The following ZNF584 variants were observed in gnomAD, a reference collection of about 807,000 sequenced individuals.
ZNF584 encodes zinc finger protein 584.
ZNF584 carries 12 observed loss-of-function variants against 14.7 expected under a neutral mutation model. The observed-to-expected ratio is 0.82, with a 90% CI of 0.52 to 1.32. ZNF584 has a LOEUF of 1.32. Among genes scored for constraint, ZNF584 ranks in the 40% most tolerant of loss-of-function variants. The pLI is 0.00. For synonymous variants in ZNF584, 204 were observed against 190.9 expected (o/e 1.07, Z -0.57); for missense variants, 478 against 518.8 (o/e 0.92, Z 0.76).
intron 2 of ZNF584, among the ~76,000 whole-genome samples, chr19:58,412,199 C>CTTTTTTTTTTTTTT (rs35188048): frequency 1.2e-5 from 1 of 83,934 alleles, no homozygotes; most frequent in African/African-American, 5.9e-5. Context: ...CCAGGGTGGT[C>CTTTTTTTTTTTTTT]TTTTTTTTTT....
Position 58,410,541 on chromosome 19 carries a change from A to AATTTTTTTTTTTTTTTTTTTTTTT in ZNF584, c.169+450_169+451insATTTTTTTTTTTTTTTTTTTTTTT, listed in dbSNP as rs1555785528. ...GAAATATATATATATATATATATAT[A>AATTTTTTTTTTTTTTTTTTTTTTT]TATATATATATATATATGTGTATAT... On this transcript the variant is annotated intron_variant, in intron 2 of 3. Coordinates refer to ENST00000306910, the MANE Select transcript of ZNF584 (RefSeq NM_173548.3). 9.1e-5 allele frequency among the ~76,000 whole-genome samples: 4 copies of AATTTTTTTTTTTTTTTTTTTTTTT among 43,800 alleles called. 1 individual carries two copies. The highest frequency in any genetic ancestry group is 7.6e-4 in the African/African-American group (4 of 5,282). 28.7% of individuals were successfully genotyped at this position (43,800 alleles called of 152,430 possible). A position where few individuals can be genotyped will look rare whatever the true frequency, so the allele number is the denominator to read the frequency against.
chr19:58,413,780 C>T (rs1383422723), intron 2 of ZNF584, among the ~76,000 whole-genome samples: 6 of 151,678 alleles, frequency 4.0e-5, no homozygotes, highest in South Asian at 2.1e-4. Context: ...GGATTACAGG[C>T]GTGAGCCACC....
intron 1 of ZNF584, among the ~76,000 whole-genome samples, chr19:58,402,824 C>CAAAAA (rs35168811): frequency 2.1e-4 from 10 of 47,476 alleles, no homozygotes; most frequent in Admixed American, 6.4e-4. Context: ...AACTGCGTCT[C>CAAAAA]AAAAAAAAAA....
chr19:58,405,750 C>T (rs1315497343), upstream of ZNF584: 129 of 177,932 alleles, frequency 7.2e-4, 9 homozygotes, highest in Non-Finnish European at 3.5e-4. Context: ...AGACGATGGG[C>T]GGCCGGGCAG....
chr19:58,402,556 C>T (rs2052438119), intron 1 of ZNF584, among the ~76,000 whole-genome samples: 1 of 152,178 alleles, frequency 6.6e-6, no homozygotes, highest in African/African-American at 2.4e-5. Context: ...GGCGCGGTGG[C>T]TCACGCCTGT....
intron 2 of ZNF584, among the ~76,000 whole-genome samples, chr19:58,412,490 T>A (rs573434015): frequency 6.6e-6 from 1 of 151,790 alleles, no homozygotes; most frequent in African/African-American, 2.4e-5. Context: ...ATTACAGGCG[T>A]GAGCCACCAC....
chr19:58,413,300 T>C (rs1031804986), intron 2 of ZNF584, among the ~76,000 whole-genome samples: 10 of 152,106 alleles, frequency 6.6e-5, no homozygotes, highest in African/African-American at 2.2e-4. Flanking sequence ...ATTTTCTGCA[T>C]CCCATAATTT....
chr19:58,410,569 ATATG>A lies in ZNF584; in HGVS notation c.169+482_169+485del, dbSNP rs1568584497. 1.6e-3 allele frequency among the ~76,000 whole-genome samples: 11 copies of A among 6,916 alleles called. 1 individual carries two copies. The highest frequency in any genetic ancestry group is 4.1e-3 in the East Asian group (4 of 984). 4.5% of individuals were successfully genotyped at this position (6,916 alleles called of 152,430 possible). On this transcript the variant is annotated intron_variant, in intron 2 of 3. Transcript: ENST00000306910. ...TATATATATATATATGTGTATATAT[ATATG>A]TATATATATGTATATATATGTATAT...
At chr19:58,402,919 A>G (rs2052441348) in intron 1 of ZNF584, among the ~76,000 whole-genome samples, 1 of 152,158 alleles carries the variant, frequency 6.6e-6, no homozygotes, top group South Asian at 2.1e-4. Flanking sequence ...GCACATGAAA[A>G]TATGCTCCAC....
chr19:58,412,197 G>GCCTT (rs1225346355), intron 2 of ZNF584, among the ~76,000 whole-genome samples: 11 of 97,968 alleles, frequency 1.1e-4, no homozygotes, highest in African/African-American at 4.5e-4. Flanking sequence ...GGCCAGGGTG[G>GCCTT]TCTTTTTTTT....
intron 2 of ZNF584, among the ~76,000 whole-genome samples, chr19:58,414,813 A>G (rs1201333278): frequency 6.6e-6 from 1 of 151,700 alleles, no homozygotes; most frequent in Non-Finnish European, 1.5e-5. Flanking sequence ...GGAAATTACA[A>G]TCGTTATTAT....
At chr19:58,406,344 C>CGGGGGGGGGGGAGGGGG (rs2052472891), upstream of ZNF584, 1 of 24,400 alleles carries the variant, frequency 4.1e-5, no homozygotes, top group Non-Finnish European at 8.9e-5. Context: ...GTGGAAAGAG[C>CGGGGGGGGGGGAGGGGG]GGGGGGGGGG....
At chr19:58,411,656 T>C (rs1006906312) in intron 2 of ZNF584, among the ~76,000 whole-genome samples, 22 of 152,102 alleles carry the variant, frequency 1.4e-4, no homozygotes, top group African/African-American at 4.8e-4. Flanking sequence ...TTGCCTTTTC[T>C]TTTTTTGAGA....
intron 1 of ZNF584, among the ~76,000 whole-genome samples, chr19:58,402,103 A>C (rs1446252402): frequency 6.6e-6 from 1 of 152,014 alleles, no homozygotes; most frequent in Non-Finnish European, 1.5e-5. Context: ...ATGCAGTCAA[A>C]TTCGAACGTA....
At chr19:58,404,125 A>T (rs931514849), upstream of ZNF584, 1 of 152,336 alleles carries the variant, frequency 6.6e-6, no homozygotes, top group African/African-American at 2.4e-5. Context: ...CACTGGCTTT[A>T]TGACTCAGGG....
chr19:58,409,021 G>C lies in ZNF584; in HGVS notation c.-127G>C, dbSNP rs1419110686. The C allele has an allele frequency of 2.4e-6, 3 of 1,235,906 alleles. No individual in the cohort carries two copies. The highest frequency in any genetic ancestry group is 1.7e-5 in the South Asian group (1 of 59,152). The allele number at this position is 1,235,906 out of a possible 1,614,324, so 76.6% of individuals were successfully genotyped here. On this transcript the variant is annotated 5_prime_UTR_variant, in exon 1 of 4. Coordinates refer to ENST00000306910, the MANE Select transcript of ZNF584 (RefSeq NM_173548.3). Reference sequence around the variant, plus strand: ...CTCCGGGAAGCGGTTCCCTGTCTTCGGACGCATTTCACCCGCGCGGGGAGA... The same window carrying C: ...CTCCGGGAAGCGGTTCCCTGTCTTCCGACGCATTTCACCCGCGCGGGGAGA...
intron 3 of ZNF584, 41 bp from the exon 4 acceptor site, chr19:58,416,770 C>T: frequency 6.6e-7 from 1 of 1,519,386 alleles, no homozygotes; most frequent in South Asian, 1.3e-5. Flanking sequence ...TACCTCCTCC[C>T]TCTAGTTCAA....
At chr19:58,407,468 C>T (rs1319719714), upstream of ZNF584, among the ~76,000 whole-genome samples, 8 of 152,308 alleles carry the variant, frequency 5.3e-5, no homozygotes, top group East Asian at 1.3e-3. Flanking sequence ...ACTTCTGAGC[C>T]CCGATCTTGG....
chr19:58,407,494 G>A (rs909837687), upstream of ZNF584, among the ~76,000 whole-genome samples: 3 of 152,220 alleles, frequency 2.0e-5, no homozygotes, highest in Non-Finnish European at 2.9e-5. Flanking sequence ...CACGGCCCTT[G>A]GGTAGAATGT....
Sources: allele counts gnomAD v4.1 joint callset (sites outside exome capture counted in the v4.1 genomes callset), GRCh38; gene constraint gnomAD v4.1.1; transcripts MANE v1.5; gene names NCBI Gene and HGNC (gene_info 2026-07-23, HGNC 2026-07-21).